The following PFKFB4 variants were observed in gnomAD, a reference collection of about 807,000 sequenced individuals.
PFKFB4 encodes the protein 6-phosphofructo-2-kinase/fructose-2,6-biphosphatase 4, also known as 6-phosphofructo-2-kinase/fructose-2,6-bisphosphatase 4.
Under a neutral mutation model 62.8 loss-of-function variants are expected in PFKFB4, and 42 were observed. The observed-to-expected ratio is 0.67, with a 90% CI of 0.52 to 0.86. The LOEUF (loss-of-function observed/expected upper bound fraction) is 0.86, where lower values mean the gene tolerates loss of function less well. Ranked by LOEUF, PFKFB4 falls within the 40% of genes least tolerant of loss-of-function variation. The probability of loss-of-function intolerance (pLI) is 0.00; values close to 1 mark genes in which losing one functional copy is unlikely to be tolerated. For synonymous variants in PFKFB4, 204 were observed against 240.7 expected, an observed-to-expected ratio of 0.85 and a Z score of 1.41; for missense variants, 475 against 627.2, an observed-to-expected ratio of 0.76 and a Z score of 2.59.
chr3:48,535,766 A>G, intron 8 of PFKFB4, 108 bp from the exon 9 acceptor site: 1 of 1,305,974 alleles, frequency 7.7e-7, no homozygotes. Context: ...CACTCACTAC[A>G]GGTTTGGTAA....
intron 6 of PFKFB4, 88 bp downstream of exon 6, chr3:48,539,166 T>C (rs896012774): frequency 5.0e-6 from 5 of 993,340 alleles, no homozygotes; most frequent in Non-Finnish European, 8.0e-6. Context: ...CCCCACAAGG[T>C]TCAAGATCAA....
intron 9 of PFKFB4, among the ~76,000 whole-genome samples, chr3:48,530,438 T>C (rs1313679188): frequency 6.6e-6 from 1 of 152,202 alleles, no homozygotes; most frequent in Non-Finnish European, 1.5e-5. Flanking sequence ...ATTTCAATTA[T>C]GTGCATCCAG....
chr3:48,550,268 C>T, intron 1 of PFKFB4, 34 bp from the exon 2 acceptor site: 1 of 1,402,190 alleles, frequency 7.1e-7, no homozygotes, highest in East Asian at 2.3e-5. Flanking sequence ...CAGATGAGGG[C>T]TGGGACCCTC....
At chr3:48,543,500 A>C in intron 4 of PFKFB4, 80 bp downstream of exon 4, 1 of 1,327,036 alleles carries the variant, frequency 7.5e-7, no homozygotes, top group East Asian at 2.5e-5. Context: ...CTTCCCCTCC[A>C]GATGCCTGAC....
Position 48,539,314 on chromosome 3 carries a change from C to T in PFKFB4, c.454-4G>A, listed in dbSNP as rs763083670. ...AGATGGACTCGACAAAAAAGGTCTG[C>T]GGCAGGACCAGAAGCGCCGGGGTGG... On this transcript the variant is annotated splice_region_variant and splice_polypyrimidine_tract_variant and intron_variant, in intron 5 of 13. Transcript: ENST00000232375. 8.1e-6 allele frequency: 13 copies of T among 1,613,190 alleles called. No homozygotes were observed. The highest frequency in any genetic ancestry group is 4.4e-5 in the South Asian group (4 of 91,006).
At chr3:48,557,193 A>G (rs548070527), upstream of PFKFB4, among the ~76,000 whole-genome samples, 2 of 152,314 alleles carry the variant, frequency 1.3e-5, no homozygotes, top group Admixed American at 1.3e-4. Flanking sequence ...TGCATCCCTG[A>G]GCAGCGGCAC....
upstream of PFKFB4, among the ~76,000 whole-genome samples, chr3:48,558,204 C>A (rs147914422): frequency 3.3e-5 from 5 of 152,248 alleles, no homozygotes; most frequent in East Asian, 9.7e-4. Flanking sequence ...ACCCCTGGCT[C>A]ACTTTCTTGT....
rs1004753139 is a variant in PFKFB4, at chr3:48,533,385, T to TAA, written c.987+2125_987+2126dup. The stretch of plus-strand genomic sequence containing the variant: ...TTATGTTATGCATATTTTACCACAG[T>TAA]AAAAAAAAATGGAAAAACAAAAGCA... On this transcript the variant is annotated intron_variant, in intron 9 of 13. Transcript: ENST00000232375. Among the ~76,000 whole-genome samples the TAA allele has an allele frequency of 4.6e-5, 7 of 150,896 alleles. No homozygotes were observed. The East Asian group carries it at 9.7e-4, about 21-fold the overall frequency.
At chr3:48,557,088 GA>G (rs930455251), upstream of PFKFB4, 2 of 740,636 alleles carry the variant, frequency 2.7e-6, no homozygotes, top group African/African-American at 3.8e-5. Flanking sequence ...TCAAGGCCCG[GA>G]TTGTGCAGGC....
At chr3:48,560,946 A>C, upstream of PFKFB4, 1 of 385,596 alleles carries the variant, frequency 2.6e-6, no homozygotes, top group South Asian at 3.4e-5. Context: ...GAGCACCCCT[A>C]AACCAGGAGA....
upstream of PFKFB4, among the ~76,000 whole-genome samples, chr3:48,560,660 T>C (rs563553781): frequency 6.6e-6 from 1 of 152,224 alleles, no homozygotes; most frequent in East Asian, 1.9e-4. Flanking sequence ...GAAGTGCTGG[T>C]TTAAGGGCTA....
At chr3:48,531,137 AAGG>A in intron 9 of PFKFB4, among the ~76,000 whole-genome samples, 1 of 152,128 alleles carries the variant, frequency 6.6e-6, no homozygotes, top group South Asian at 2.1e-4. Flanking sequence ...GAGGCCAAGG[AAGG>A]AGATCACTCG....
intron 12 of PFKFB4, among the ~76,000 whole-genome samples, chr3:48,522,650 G>A (rs2042132130): frequency 6.6e-6 from 1 of 152,224 alleles, no homozygotes; most frequent in Non-Finnish European, 1.5e-5. Context: ...GGACCAAGGG[G>A]CCTTGTGGGG....
Position 48,519,339 on chromosome 3 carries a change from T to G in PFKFB4, c.*408A>C. The G allele has an allele frequency of 6.2e-6, 1 of 162,008 alleles. No homozygotes were observed. The highest frequency in any genetic ancestry group is 1.7e-4 in the South Asian group (1 of 5,720). The allele number at this position is 162,008 out of a possible 1,614,324, so 10.0% of individuals were successfully genotyped here. A position where few individuals can be genotyped will look rare whatever the true frequency, so the allele number is the denominator to read the frequency against. On this transcript the variant is annotated 3_prime_UTR_variant, in exon 14 of 14. Coordinates refer to ENST00000232375, the MANE Select transcript of PFKFB4 (RefSeq NM_004567.4). ...AGGATGGTAGAGGCCCTGTGGAGAG[T>G]CACCAGGTCCATGCTGGGCAGCTGG... is the stretch of plus-strand genomic sequence containing the variant.
rs918982765 is a variant in PFKFB4 at position 48,517,858 on chromosome 3, A to G, written c.*1889T>C. On this transcript the variant is annotated 3_prime_UTR_variant, in exon 14 of 14. Transcript: ENST00000232375. ...CTACACCTCAGCCCATGCGGAGACC[A>G]TGCCAGGGCAGAGGCCGGGGGGTTG... 6.6e-6 allele frequency: 1 copy of G among 152,660 alleles called. No individual in the cohort carries two copies. The highest frequency in any genetic ancestry group is 2.4e-5 in the African/African-American group (1 of 41,472). The allele number at this position is 152,660 out of a possible 1,614,324, so 9.5% of individuals were successfully genotyped here.
In PFKFB4 at chr3:48,518,760, C is replaced by A. The variant is rs2041995078; in HGVS notation, c.*987G>T. The stretch of plus-strand genomic sequence containing the variant: ...GTTTTACAGGACCATACAAGTGTTT[C>A]TGAATTATTTATGGCAAATGCATGT... On this transcript the variant is annotated 3_prime_UTR_variant, in exon 14 of 14. Transcript: ENST00000232375. The A allele has an allele frequency of 6.6e-6, 1 of 152,262 alleles. No homozygotes were observed. Among genetic ancestry groups the A allele is most frequent in the Non-Finnish European group, 1.5e-5 (1 of 68,070 alleles). The allele number at this position is 152,262 out of a possible 1,614,324, so 9.4% of individuals were successfully genotyped here. A position where few individuals can be genotyped will look rare whatever the true frequency, so the allele number is the denominator to read the frequency against.
intron 9 of PFKFB4, among the ~76,000 whole-genome samples, chr3:48,532,642 G>C (rs2042464487): frequency 6.6e-6 from 1 of 152,112 alleles, no homozygotes; most frequent in South Asian, 2.1e-4. Flanking sequence ...CTTGAGGCTA[G>C]GAGTTTGAGA....
intron 9 of PFKFB4, among the ~76,000 whole-genome samples, chr3:48,527,171 G>A (rs1476115102): frequency 6.6e-6 from 1 of 151,844 alleles, no homozygotes; most frequent in Admixed American, 6.6e-5. Flanking sequence ...CAGACTTCTA[G>A]CCTCCAGAAC....
chr3:48,554,221 T>A (rs2043243778), intron 1 of PFKFB4, among the ~76,000 whole-genome samples: 1 of 152,082 alleles, frequency 6.6e-6, no homozygotes, highest in Non-Finnish European at 1.5e-5. Flanking sequence ...TCCGCTTCCA[T>A]CCCCACCCAC....
Sources: gnomAD v4.1 joint callset for allele counts (sites outside exome capture counted in the v4.1 genomes callset) on GRCh38, gnomAD v4.1.1 for gene constraint, MANE v1.5 for transcripts, NCBI Gene and HGNC (gene_info 2026-07-23, HGNC 2026-07-21) for gene names.